NLGN3: variants seen among roughly 807,000 people sequenced by gnomAD.
The protein encoded by NLGN3 is neuroligin-3.
In NLGN3, 11 loss-of-function variants were observed where a neutral mutation model predicts 42.9. That is an observed-to-expected ratio of 0.26 (90% CI 0.16 to 0.42). The LOEUF is 0.42. Among genes scored for constraint, NLGN3 ranks in the 10% least tolerant of loss-of-function variants. NLGN3 has a pLI of 1.00. For synonymous variants in NLGN3, 279 were observed against 312.7 expected (o/e 0.89, Z 1.14); for missense variants, 374 against 733.8 (o/e 0.51, Z 5.67).
rs1354043129 is a variant in NLGN3, at chrX:71,146,184, C to G, written c.-201+1220C>G. Among the ~76,000 whole-genome samples the G allele has an allele frequency of 9.0e-3, 765 of 85,419 alleles. 7 individuals carry two copies. The highest frequency in any genetic ancestry group is 0.027 in the Middle Eastern group (5 of 188). 74.2% of individuals were successfully genotyped at this position (85,419 alleles called of 115,157 possible). On this transcript the variant is annotated intron_variant, in intron 1 of 7. Transcript: ENST00000358741. Reference sequence around the variant, plus strand: ...ACACACACACACAGACACACACACACACACACACACACACACACACACACA... The same window carrying G: ...ACACACACACACAGACACACACACAGACACACACACACACACACACACACA...
At chrX:71,172,091 T>C (rs2092472150), downstream of NLGN3, among the ~76,000 whole-genome samples, 1 of 111,683 alleles carries the variant, frequency 9.0e-6, no homozygotes, top group Non-Finnish European at 1.9e-5. Context: ...ACTAATATGG[T>C]ACACTGGAGA....
chrX:71,151,116 G>A (rs1036131215), intron 3 of NLGN3, among the ~76,000 whole-genome samples: 6 of 111,166 alleles, frequency 5.4e-5, no homozygotes, highest in Middle Eastern at 4.2e-3. Flanking sequence ...TCAGGAATTC[G>A]AGACCAGCCT....
At chrX:71,146,174 C>G (rs867465458) in intron 1 of NLGN3, among the ~76,000 whole-genome samples, 26 of 55,502 alleles carry the variant, frequency 4.7e-4, no homozygotes, top group African/African-American at 1.3e-3. Flanking sequence ...CACACACAGA[C>G]ACACACACAC....
At chrX:71,146,034 A>AC (rs2092365494) in intron 1 of NLGN3, among the ~76,000 whole-genome samples, 1 of 84,346 alleles carries the variant, frequency 1.2e-5, no homozygotes, top group African/African-American at 4.7e-5. Context: ...CTGGGATCTT[A>AC]CCCCCCATAC....
chrX:71,164,340 G>A lies in NLGN3; in HGVS notation c.913+12G>A, dbSNP rs768571101. On this transcript the variant is annotated intron_variant, in intron 6 of 7. Coordinates refer to ENST00000358741, the MANE Select transcript of NLGN3 (RefSeq NM_181303.2). Reference sequence around the variant, plus strand: ...ACATCACTCAGAGGGTGAGTAACTCGTGGGGCAAAACATGAACTAGCCAAG... The same window carrying A: ...ACATCACTCAGAGGGTGAGTAACTCATGGGGCAAAACATGAACTAGCCAAG... 6.6e-6 allele frequency: 8 copies of A among 1,208,245 alleles called. No homozygotes were observed. The highest frequency in any genetic ancestry group is 2.3e-4 in the Middle Eastern group (1 of 4,348).
At chrX:71,152,390 A>T (rs1602317229) in intron 3 of NLGN3, among the ~76,000 whole-genome samples, 1 of 104,933 alleles carries the variant, frequency 9.5e-6, no homozygotes, top group Non-Finnish European at 2.0e-5. Flanking sequence ...TGCTTTTCTC[A>T]TCTATTTCTT....
rs1365875912 is a variant in NLGN3 at position 71,168,873 on chromosome X, AAGAAAAGAAAG to A, written c.1704-375_1704-365del. 7.4e-3 allele frequency among the ~76,000 whole-genome samples: 535 copies of A among 71,961 alleles called. 7 individuals are homozygous for A. The highest frequency in any genetic ancestry group is 0.036 in the African/African-American group (413 of 11,593). 62.5% of individuals were successfully genotyped at this position (71,961 alleles called of 115,157 possible). Reference sequence around the variant, plus strand: ...AGAAAGAAAGAAAGAAAGAAAGAGAAAGAAAAGAAAGAGAAAGAAAGAAAGAAAGAAAAAGA... The same window carrying A: ...AGAAAGAAAGAAAGAAAGAAAGAGAAAGAAAGAAAGAAAGAAAGAAAAAGA... On this transcript the variant is annotated intron_variant, in intron 7 of 7. Transcript: ENST00000358741.
intron 4 of NLGN3, among the ~76,000 whole-genome samples, chrX:71,154,283 C>A (rs2092400722): frequency 8.8e-6 from 1 of 113,522 alleles, no homozygotes; most frequent in South Asian, 3.5e-4. Context: ...CCCTGCCCCT[C>A]TGCCCCGAAG....
At chrX:71,149,157 G>A (rs767059991) in intron 3 of NLGN3, among the ~76,000 whole-genome samples, 3 of 110,830 alleles carry the variant, frequency 2.7e-5, no homozygotes, top group Admixed American at 1.9e-4. Flanking sequence ...ACCCTAAAGT[G>A]TGTGCCAAAG....
chrX:71,173,980 T>C (rs189577339), downstream of NLGN3, among the ~76,000 whole-genome samples: 2 of 111,390 alleles, frequency 1.8e-5, no homozygotes, highest in Admixed American at 1.9e-4. Flanking sequence ...CTTGAGGGGA[T>C]GGGCCAAAAT....
downstream of NLGN3, among the ~76,000 whole-genome samples, chrX:71,174,401 C>T (rs2092475280): frequency 8.9e-6 from 1 of 111,892 alleles, no homozygotes; most frequent in Admixed American, 9.5e-5. Context: ...AACATGGCCC[C>T]ACTTTGACAG....
chrX:71,164,342 G>A lies in NLGN3; in HGVS notation c.913+14G>A, dbSNP rs774322363. On this transcript the variant is annotated intron_variant, in intron 6 of 7. Transcript: ENST00000358741. ...ATCACTCAGAGGGTGAGTAACTCGTGGGGCAAAACATGAACTAGCCAAGTG... is the reference window on the plus strand; with the variant it reads ...ATCACTCAGAGGGTGAGTAACTCGTAGGGCAAAACATGAACTAGCCAAGTG... 16 of 1,207,736 alleles carry A rather than the reference G, an allele frequency of 1.3e-5. No homozygotes were observed. The South Asian group carries it at 2.8e-4, about 21-fold the overall frequency.
chrX:71,173,802 A>G (rs1219350758), downstream of NLGN3, among the ~76,000 whole-genome samples: 1 of 112,118 alleles, frequency 8.9e-6, no homozygotes, highest in Non-Finnish European at 1.9e-5. Context: ...CGGAACCACA[A>G]TCCAATGAAT....
In NLGN3 at chrX:71,169,973, C is replaced by G; in HGVS notation, c.2423C>G (p.Pro808Arg). ...RSPDDIPLMT[P>R]NTITMIPNSL... Reference sequence around the variant, plus strand: ...CCGGATGACATCCCACTCATGACCCCCAACACCATCACTATGATCCCCAAC... The same window carrying G: ...CCGGATGACATCCCACTCATGACCCGCAACACCATCACTATGATCCCCAAC... The change falls in exon 8 of 8, where the codon CCC becomes CGC. Residue 808 changes from proline (P) to arginine (R), a missense_variant. Coordinates refer to ENST00000358741, the MANE Select transcript of NLGN3 (RefSeq NM_181303.2). 8.3e-7 allele frequency: 1 copy of G among 1,205,954 alleles called. No individual in the cohort carries two copies. The highest frequency in any genetic ancestry group is 1.1e-6 in the Non-Finnish European group (1 of 893,557).
At chrX:71,148,750 G>A in intron 2 of NLGN3, 96 bp from the exon 3 acceptor site, 1 of 744,222 alleles carries the variant, frequency 1.3e-6, no homozygotes, top group Non-Finnish European at 1.9e-6. Context: ...TGTGCCGCCT[G>A]CAGAGCAGCT....
At chrX:71,163,408 G>T (rs1270092130) in intron 5 of NLGN3, among the ~76,000 whole-genome samples, 1 of 111,741 alleles carries the variant, frequency 8.9e-6, no homozygotes, top group Admixed American at 9.5e-5. Flanking sequence ...GCCTCCAAGG[G>T]AGGGAAATGA....
intron 5 of NLGN3, 96 bp downstream of exon 5, chrX:71,155,459 C>T: frequency 9.6e-7 from 1 of 1,045,715 alleles, no homozygotes. Context: ...CCTTGCTTCT[C>T]TAGCTGGTGC....
intron 5 of NLGN3, among the ~76,000 whole-genome samples, chrX:71,157,717 C>T (rs956200490): frequency 1.8e-5 from 2 of 111,449 alleles, no homozygotes; most frequent in African/African-American, 6.5e-5. Flanking sequence ...ATGCCCAGAA[C>T]GGCAATCTTC....
Position 71,153,485 on chromosome X carries a change from G to A in NLGN3, c.526G>A (p.Ala176Thr). The change falls in exon 4 of 8, where the codon GCT becomes ACT. Residue 176 changes from alanine to threonine, a missense_variant. Around this residue, in one of 6 missense-constraint regions of NLGN3, gnomAD observed 109 missense variants for 173.3 expected, o/e 0.63. Coordinates refer to ENST00000358741, the MANE Select transcript of NLGN3 (RefSeq NM_181303.2). ...CCGTGTCTGGTCCCCAGGATCCGGC[G>A]CTAAGAAACAGGGCGAGGACTTAGC... ...KKICRKGGSG[A>T]KKQGEDLADN... 1 of 1,208,731 alleles carries A rather than the reference G, an allele frequency of 8.3e-7. No homozygotes were observed. Among genetic ancestry groups the A allele is most frequent in the Non-Finnish European group, 1.1e-6 (1 of 893,647 alleles).
Sources: gnomAD v4.1 joint callset for allele counts (sites outside exome capture counted in the v4.1 genomes callset) on GRCh38, gnomAD v4.1.1 for gene constraint, gnomAD v4.1.1 regional missense constraint, MANE v1.5 for transcripts, NCBI Gene and HGNC (gene_info 2026-07-23, HGNC 2026-07-21) for gene names.